Variants in BPIFB3 observed in about 807,000 individuals in gnomAD.
The protein encoded by BPIFB3 is BPI fold-containing family B member 3.
In BPIFB3, 49 loss-of-function variants were observed where a neutral mutation model predicts 53.1. The observed-to-expected ratio is 0.92, with a 90% confidence interval of 0.73 to 1.17. BPIFB3 has a LOEUF of 1.17. BPIFB3 is among the 50% of genes most tolerant of loss of function. The pLI, the probability that BPIFB3 is intolerant of heterozygous loss-of-function variation, is 0.00. For missense variants in BPIFB3, 628 were observed against 592.5 expected, an observed-to-expected ratio of 1.06 and a Z score of -0.62; for synonymous variants, 271 against 269.6, an observed-to-expected ratio of 1.01 and a Z score of -0.05.
intron 14 of BPIFB3, 78 bp from the exon 16 acceptor site, chr20:33,073,498 C>T: frequency 4.0e-6 from 6 of 1,515,360 alleles, no homozygotes; most frequent in Admixed American, 3.4e-5. Flanking sequence ...AATCCCAGGG[C>T]AGGGGAGTAA....
At chr20:33,055,464 T>C in exon 1 of BPIFB3, 1 of 1,613,756 alleles carries the variant, frequency 6.2e-7, no homozygotes, top group Non-Finnish European at 8.5e-7. Flanking sequence ...CTGCTTCTGC[T>C]CTGGGGCCTG....
chr20:33,056,663 C>G lies in BPIFB3; in HGVS notation c.246C>G (p.His82Gln), dbSNP rs780244191. Residue 82 changes from histidine (H) to glutamine (Q), a missense_variant, in exon 2 of 15, where the codon CAC becomes CAG. By Grantham distance (24) the His-to-Gln change is conservative. Coordinates refer to ENST00000375494, the Ensembl canonical transcript of BPIFB3. ...TTGGAGGAGGCGGCTTGCTGGGCCACGGAGGGGTTTTTGGCGTTGTCGAGG... is the reference window on the plus strand; with the variant it reads ...TTGGAGGAGGCGGCTTGCTGGGCCAGGGAGGGGTTTTTGGCGTTGTCGAGG... The G allele has an allele frequency of 2.5e-6, 4 of 1,610,562 alleles. No homozygotes were observed. The Middle Eastern group carries it at 5.0e-4, about 202-fold the overall frequency.
chr20:33,056,074 G>A (rs982396141), intron 1 of BPIFB3, among the ~76,000 whole-genome samples: 1 of 152,156 alleles, frequency 6.6e-6, no homozygotes, highest in African/African-American at 2.4e-5. Flanking sequence ...GAGTGCCCAG[G>A]AGAGAAGCAG....
chr20:33,063,669 G>A, exon 6 of BPIFB3: 1 of 1,613,824 alleles, frequency 6.2e-7, no homozygotes, highest in Non-Finnish European at 8.5e-7. Context: ...CCTGGGGGCT[G>A]TGCTGGGTAA....
At chr20:33,070,087 T>C in intron 11 of BPIFB3, 132 bp downstream of exon 12, 1 of 986,926 alleles carries the variant, frequency 1.0e-6, no homozygotes, top group East Asian at 2.4e-5. Flanking sequence ...CTCCTTGCCT[T>C]CAGGACCCGC....
At chr20:33,071,960 T>C in intron 12 of BPIFB3, 144 bp from the exon 14 acceptor site, 1 of 771,854 alleles carries the variant, frequency 1.3e-6, no homozygotes, top group Non-Finnish European at 2.2e-6. Flanking sequence ...AAGTGCCCAG[T>C]GCCTGCCAGG....
intron 3 of BPIFB3, 131 bp downstream of exon 4, chr20:33,059,613 C>T: frequency 1.3e-6 from 1 of 752,348 alleles, no homozygotes. Flanking sequence ...CTATTTCCTC[C>T]CCAAGGGACT....
chr20:33,061,337 ATCAT>A (rs4012503), intron 4 of BPIFB3, among the ~76,000 whole-genome samples: 17,505 of 151,200 alleles, frequency 0.12, 1,081 homozygotes, highest in Middle Eastern at 0.15. Flanking sequence ...TCCTCAGGCC[ATCAT>A]TCATTCATTC....
chr20:33,064,616 G>T, intron 7 of BPIFB3, 50 bp from the exon 9 acceptor site: 1 of 1,613,218 alleles, frequency 6.2e-7, no homozygotes, highest in Non-Finnish European at 8.5e-7. Context: ...ATCAAGGCAG[G>T]TGGGTGAGCA....
At chr20:33,070,691 AC>A (rs1166557748) in intron 11 of BPIFB3, among the ~76,000 whole-genome samples, 3 of 151,890 alleles carry the variant, frequency 2.0e-5, no homozygotes, top group African/African-American at 7.3e-5. Context: ...CCGTCTTAGC[AC>A]CCCCACAGGC....
At chr20:33,071,331 T>C (rs1358464309) in intron 12 of BPIFB3, 36 bp downstream of exon 13, 1 of 1,551,336 alleles carries the variant, frequency 6.4e-7, no homozygotes, top group Non-Finnish European at 8.7e-7. Flanking sequence ...TTGGCAGTGA[T>C]GAGAGTCTTC....
At chr20:33,064,355 G>C in intron 6 of BPIFB3, 102 bp from the exon 8 acceptor site, 1 of 919,610 alleles carries the variant, frequency 1.1e-6, no homozygotes, top group East Asian at 2.5e-5. Flanking sequence ...ATGCTTAGTA[G>C]AGTGCTAGGC....
intron 4 of BPIFB3, among the ~76,000 whole-genome samples, chr20:33,060,380 CTG>C (rs1423889241): frequency 2.6e-5 from 4 of 152,120 alleles, no homozygotes; most frequent in Non-Finnish European, 5.9e-5. Context: ...AGACCCAACT[CTG>C]CCTCTGACTT....
intron 9 of BPIFB3, among the ~76,000 whole-genome samples, chr20:33,068,305 G>T (rs1980747126): frequency 6.6e-6 from 1 of 152,238 alleles, no homozygotes; most frequent in South Asian, 2.1e-4. Context: ...TAGACATGGT[G>T]CTTTGCAAGG....
chr20:33,073,401 G>GTCAGAGCCTGTCCCACACTGGAT, intron 14 of BPIFB3, among the ~76,000 whole-genome samples, 175 bp from the exon 16 acceptor site: 1 of 152,280 alleles, frequency 6.6e-6, no homozygotes, highest in South Asian at 2.1e-4. Context: ...AAGTCCTCAA[G>GTCAGAGCCTGTCCCACACTGGAT]TCAGAGCCTG....
chr20:33,054,994 C>A (rs1362190133), upstream of BPIFB3, among the ~76,000 whole-genome samples: 1 of 152,248 alleles, frequency 6.6e-6, no homozygotes, highest in Non-Finnish European at 1.5e-5. Flanking sequence ...ATCCTGCTGT[C>A]CTGGAGGGGG....
At chr20:33,072,738 C>T (rs1980958218) in exon 14 of BPIFB3, 1 of 1,613,642 alleles carries the variant, frequency 6.2e-7, no homozygotes, top group African/African-American at 1.3e-5. Context: ...GTTGGAATTC[C>T]CCTGCCTAAG....
At position 33,071,114 on chromosome 20, in the gene BPIFB3, A is replaced by G. The variant is rs1600545537; in HGVS notation, c.1218-139A>G. ...TACAGGTAGGAAAACTGAGTCTCTG[A>G]GTCAAGGCTGGATAGAGGCAGAGTG... On this transcript the variant is annotated intron_variant, in intron 11 of 14. Transcript: ENST00000375494. 5 of 906,476 alleles carry G rather than the reference A, an allele frequency of 5.5e-6. 1 individual carries two copies. In the Admixed American group the frequency reaches 1.3e-4, roughly 24 times the overall value. 56.2% of individuals were successfully genotyped at this position (906,476 alleles called of 1,614,324 possible). A position where few individuals can be genotyped will look rare whatever the true frequency, so the allele number is the denominator to read the frequency against.
At chr20:33,059,660 T>C (rs1488515851) in intron 3 of BPIFB3, among the ~76,000 whole-genome samples, 178 bp downstream of exon 4, 1 of 151,604 alleles carries the variant, frequency 6.6e-6, no homozygotes, top group Non-Finnish European at 1.5e-5. Flanking sequence ...TCCTATGCCA[T>C]TGCCCTTCCC....
Sources: allele counts gnomAD v4.1 joint callset (sites outside exome capture counted in the v4.1 genomes callset), GRCh38; gene constraint gnomAD v4.1.1; transcripts MANE v1.5; gene names NCBI Gene and HGNC (gene_info 2026-07-23, HGNC 2026-07-21).